The following TTC23L variants were observed in gnomAD, a reference collection of about 807,000 sequenced individuals.
The protein encoded by TTC23L is tetratricopeptide repeat domain 23 like.
In TTC23L, 42 loss-of-function variants were observed where a neutral mutation model predicts 48.1. The observed-to-expected ratio is 0.87, with a 90% CI of 0.68 to 1.13. The LOEUF (loss-of-function observed/expected upper bound fraction) is 1.13. TTC23L is among the 50% of genes most tolerant of loss of function. TTC23L has a pLI of 0.00. For synonymous variants in TTC23L, 159 were observed against 157.2 expected, an observed-to-expected ratio of 1.01 and a Z score of -0.09; for missense variants, 391 against 421.0, an observed-to-expected ratio of 0.93 and a Z score of 0.62.
intron 10 of TTC23L, among the ~76,000 whole-genome samples, chr5:34,897,789 C>T (rs1217782076): frequency 6.6e-6 from 1 of 152,090 alleles, no homozygotes; most frequent in Non-Finnish European, 1.5e-5. Flanking sequence ...GTATACTTGC[C>T]CTGAGGGTAT....
At chr5:34,856,528 G>A (rs573128671) in intron 4 of TTC23L, among the ~76,000 whole-genome samples, 3 of 152,190 alleles carry the variant, frequency 2.0e-5, no homozygotes. Context: ...AAGCATGGAG[G>A]AATGTTTGAG....
chr5:34,894,479 A>C (rs1163996146), intron 9 of TTC23L, among the ~76,000 whole-genome samples: 2 of 152,240 alleles, frequency 1.3e-5, no homozygotes, highest in African/African-American at 4.8e-5. Flanking sequence ...ATATGTAGTT[A>C]GTGCAAAGGA....
At chr5:34,870,781 G>A (rs145576994) in intron 8 of TTC23L, among the ~76,000 whole-genome samples, 178 of 152,242 alleles carry the variant, frequency 1.2e-3, no homozygotes, top group African/African-American at 4.1e-3. Flanking sequence ...ACAGACCTCC[G>A]TGATCAAGTG....
the TTC23L span, chr5:34,915,631 A>G: frequency 7.4e-7 from 1 of 1,359,882 alleles, no homozygotes. Context: ...ACAGACCTGG[A>G]GGACGACCGC....
chr5:34,865,382 T>C (rs1316596502), intron 6 of TTC23L, among the ~76,000 whole-genome samples: 3 of 152,196 alleles, frequency 2.0e-5, no homozygotes, highest in Non-Finnish European at 2.9e-5. Context: ...TGGGGAGATG[T>C]TGGAATGTCC....
the TTC23L span, chr5:34,923,392 C>T: frequency 1.6e-6 from 1 of 618,076 alleles, no homozygotes; most frequent in Non-Finnish European, 2.9e-6. Context: ...CTTCTGCTCC[C>T]TCAGTCTCCT....
rs780770818 is a variant in TTC23L at position 34,847,585 on chromosome 5, C to T, written c.255+1912C>T. On this transcript the variant is annotated intron_variant, in intron 3 of 10. Transcript: ENST00000505624. ...AAGTGCTGGGATGACATCTGGAGCC[C>T]GTATTGGTTGTCCCGGTTTCTCCAA... Among the ~76,000 whole-genome samples the T allele has an allele frequency of 2.6e-5, 4 of 151,728 alleles. No homozygotes were observed. In the East Asian group the frequency reaches 5.8e-4, roughly 22 times the overall value.
At chr5:34,911,908 T>C in the TTC23L span, 2 of 1,398,706 alleles carry the variant, frequency 1.4e-6, no homozygotes, top group Non-Finnish European at 9.8e-7. Flanking sequence ...GAATAATTTA[T>C]TCCGCCCAAT....
chr5:34,915,788 A>G, the TTC23L span: 3 of 1,595,542 alleles, frequency 1.9e-6, no homozygotes, highest in East Asian at 4.5e-5. Context: ...GTTCAGGCGA[A>G]GAAGCCAAAA....
the TTC23L span, chr5:34,921,760 C>T: frequency 2.6e-5 from 4 of 152,286 alleles, no homozygotes; most frequent in East Asian, 1.9e-4. Context: ...ACAAAATTAG[C>T]GGGGTGTGAT....
intron 9 of TTC23L, among the ~76,000 whole-genome samples, chr5:34,893,752 T>C (rs766452895): frequency 6.6e-6 from 1 of 152,070 alleles, no homozygotes; most frequent in Non-Finnish European, 1.5e-5. Context: ...AAAGAGGAAC[T>C]GAAAAGGAGT....
chr5:34,924,850 A>G, the TTC23L span: 8 of 1,597,212 alleles, frequency 5.0e-6, no homozygotes, highest in Admixed American at 1.7e-5. Context: ...ATTAAAGATC[A>G]TAGAAGAAGA....
intron 10 of TTC23L, 94 bp from the exon 11 acceptor site, chr5:34,899,296 T>A (rs546304767): frequency 1.3e-5 from 2 of 152,796 alleles, no homozygotes; most frequent in South Asian, 4.1e-4. Context: ...GGTAAGGCAA[T>A]GAGATCTGCT....
the TTC23L span, among the ~76,000 whole-genome samples, chr5:34,910,563 G>C: frequency 6.6e-6 from 1 of 152,130 alleles, no homozygotes; most frequent in East Asian, 1.9e-4. Context: ...AAGTAGCTGG[G>C]ATTATAGGCA....
chr5:34,921,315 A>T, the TTC23L span: 1 of 152,188 alleles, frequency 6.6e-6, no homozygotes, highest in Non-Finnish European at 1.5e-5. Flanking sequence ...AATAGGTTTG[A>T]TATACTTAGG....
the TTC23L span, chr5:34,916,318 G>A: frequency 1.3e-5 from 2 of 155,414 alleles, no homozygotes; most frequent in African/African-American, 4.8e-5. Flanking sequence ...AAGTACGTTA[G>A]GGGAGCCTTT....
chr5:34,883,519 C>A, intron 9 of TTC23L: 1 of 171,262 alleles, frequency 5.8e-6, no homozygotes, highest in East Asian at 1.4e-4. Flanking sequence ...AACCTGTTCC[C>A]TGAATAGCTA....
intron 3 of TTC23L, among the ~76,000 whole-genome samples, chr5:34,846,073 A>G (rs1759099916): frequency 6.6e-6 from 1 of 152,136 alleles, no homozygotes; most frequent in Admixed American, 6.5e-5. Context: ...AGTCCCATCT[A>G]CTTGGGAAGC....
chr5:34,841,163 C>A (rs910889182), intron 2 of TTC23L, among the ~76,000 whole-genome samples: 5 of 152,050 alleles, frequency 3.3e-5, no homozygotes, highest in African/African-American at 1.2e-4. Flanking sequence ...TTTTTCCCGA[C>A]TTAAGGAAAT....
Sources: allele counts gnomAD v4.1 joint callset (sites outside exome capture counted in the v4.1 genomes callset), GRCh38; gene constraint gnomAD v4.1.1; transcripts MANE v1.5; gene names NCBI Gene and HGNC (gene_info 2026-07-23, HGNC 2026-07-21).